TTC29: variants seen among roughly 807,000 people sequenced by gnomAD.
The protein encoded by TTC29 is tetratricopeptide repeat domain 29.
In TTC29, 49 loss-of-function variants were observed where a neutral mutation model predicts 58.1. That is an observed-to-expected ratio of 0.84 (90% CI 0.67 to 1.07). TTC29 has a LOEUF of 1.07. Ranked by LOEUF, TTC29 falls within the 50% of genes least tolerant of loss-of-function variation. The pLI is 0.00. For missense variants in TTC29, 582 were observed against 555.6 expected (o/e 1.05, Z -0.48); for synonymous variants, 209 against 196.8 (o/e 1.06, Z -0.52).
chr4:146,840,344 T>A (rs988236746), intron 8 of TTC29, among the ~76,000 whole-genome samples: 2 of 152,072 alleles, frequency 1.3e-5, no homozygotes, highest in African/African-American at 4.8e-5. Context: ...CACCTTGTTA[T>A]CACTTTCTTC....
At chr4:146,793,156 A>C (rs1749590129) in intron 11 of TTC29, among the ~76,000 whole-genome samples, 2 of 152,212 alleles carry the variant, frequency 1.3e-5, no homozygotes, top group Non-Finnish European at 2.9e-5. Flanking sequence ...AGTTGATAAA[A>C]CAGTGGTAGA....
chr4:146,853,416 T>A (rs1223788199), intron 8 of TTC29, among the ~76,000 whole-genome samples: 2 of 152,192 alleles, frequency 1.3e-5, no homozygotes, highest in Non-Finnish European at 2.9e-5. Flanking sequence ...ATACTTTCAT[T>A]GTTATAAAAT....
intron 6 of TTC29, among the ~76,000 whole-genome samples, chr4:146,882,199 T>C (rs1452949119): frequency 6.6e-6 from 1 of 152,166 alleles, no homozygotes; most frequent in Non-Finnish European, 1.5e-5. Flanking sequence ...CTGCTTATGA[T>C]TTTAGATAGC....
At chr4:146,742,889 T>C (rs1745268005) in intron 11 of TTC29, among the ~76,000 whole-genome samples, 1 of 151,896 alleles carries the variant, frequency 6.6e-6, no homozygotes, top group South Asian at 2.1e-4. Context: ...TTTAAAATAA[T>C]ATAATCTGCT....
intron 9 of TTC29, among the ~76,000 whole-genome samples, chr4:146,829,751 A>G (rs552832944): frequency 1.2e-4 from 18 of 152,336 alleles, no homozygotes; most frequent in Middle Eastern, 6.8e-3. Flanking sequence ...TCCATTGTGG[A>G]AAGTTTTCTA....
intron 4 of TTC29, among the ~76,000 whole-genome samples, chr4:146,916,214 A>G (rs1326598419): frequency 6.6e-6 from 1 of 151,790 alleles, no homozygotes; most frequent in East Asian, 1.9e-4. Context: ...ATTTCTTGAC[A>G]TACACCTACT....
chr4:146,752,067 G>A (rs1458049298), intron 11 of TTC29, among the ~76,000 whole-genome samples: 1 of 151,778 alleles, frequency 6.6e-6, no homozygotes, highest in Non-Finnish European at 1.5e-5. Flanking sequence ...TACTGGCCAG[G>A]GCAATCAGGC....
chr4:146,784,817 T>C (rs80063168), intron 11 of TTC29, among the ~76,000 whole-genome samples: 7,142 of 152,268 alleles, frequency 0.047, 250 homozygotes, highest in Non-Finnish European at 0.071. Flanking sequence ...AGTTTCTTTA[T>C]CTGAAAAAAT....
intron 11 of TTC29, among the ~76,000 whole-genome samples, chr4:146,735,101 G>C (rs539229237): frequency 6.6e-6 from 1 of 152,244 alleles, no homozygotes; most frequent in East Asian, 1.9e-4. Flanking sequence ...AATTAAAAGA[G>C]AATGCTGGGT....
At chr4:146,856,639 TA>T (rs544402369) in intron 8 of TTC29, among the ~76,000 whole-genome samples, 193 of 151,132 alleles carry the variant, frequency 1.3e-3, no homozygotes, top group African/African-American at 3.5e-3. Flanking sequence ...ATAATCAAGG[TA>T]AAAAAAGAAA....
chr4:146,820,876 T>C (rs953798429), intron 9 of TTC29, among the ~76,000 whole-genome samples: 1 of 151,748 alleles, frequency 6.6e-6, no homozygotes, highest in Non-Finnish European at 1.5e-5. Flanking sequence ...ACTAAAAATA[T>C]AAAAAATTAG....
intron 9 of TTC29, among the ~76,000 whole-genome samples, chr4:146,825,137 C>T (rs1727694264): frequency 3.9e-5 from 6 of 152,102 alleles, no homozygotes; most frequent in Admixed American, 3.9e-4. Flanking sequence ...TTCTTGTCTT[C>T]TGCTAGCTTT....
intron 8 of TTC29, among the ~76,000 whole-genome samples, chr4:146,847,443 G>A (rs923439637): frequency 1.3e-5 from 2 of 152,162 alleles, no homozygotes; most frequent in East Asian, 3.9e-4. Context: ...ATGAAACAGG[G>A]AGGTCAGATG....
At chr4:146,839,381 T>C (rs550337558) in intron 8 of TTC29, among the ~76,000 whole-genome samples, 6 of 152,208 alleles carry the variant, frequency 3.9e-5, no homozygotes, top group African/African-American at 1.4e-4. Flanking sequence ...TTTGAGGTGA[T>C]GTATATCTCA....
At chr4:146,926,170 A>G (rs781270772) in intron 4 of TTC29, among the ~76,000 whole-genome samples, 4 of 152,186 alleles carry the variant, frequency 2.6e-5, no homozygotes, top group Non-Finnish European at 5.9e-5. Flanking sequence ...ATTTTGTTGC[A>G]TTAGGTGTGC....
chr4:146,806,295 C>T (rs1458232168), intron 10 of TTC29, among the ~76,000 whole-genome samples: 1 of 152,134 alleles, frequency 6.6e-6, no homozygotes, highest in Non-Finnish European at 1.5e-5. Flanking sequence ...ATTGTAAAGA[C>T]CATCAACACT....
chr4:146,744,261 G>A (rs529417640), intron 11 of TTC29, among the ~76,000 whole-genome samples: 8 of 152,066 alleles, frequency 5.3e-5, no homozygotes, highest in Non-Finnish European at 1.0e-4. Flanking sequence ...GCCAGGCACA[G>A]TGGCTCATGA....
chr4:146,891,423 A>G (rs1732355443), intron 6 of TTC29, among the ~76,000 whole-genome samples: 1 of 152,204 alleles, frequency 6.6e-6, no homozygotes, highest in Admixed American at 6.5e-5. Context: ...GCCAATAATT[A>G]GTGATGGTGT....
intron 11 of TTC29, among the ~76,000 whole-genome samples, chr4:146,734,787 G>T (rs886908448): frequency 2.0e-5 from 3 of 152,050 alleles, no homozygotes; most frequent in African/African-American, 7.2e-5. Flanking sequence ...GAAACAATTG[G>T]TGGCAGTGAT....
Sources: gnomAD v4.1 joint callset for allele counts (sites outside exome capture counted in the v4.1 genomes callset) on GRCh38, gnomAD v4.1.1 for gene constraint, MANE v1.5 for transcripts, NCBI Gene and HGNC (gene_info 2026-07-23, HGNC 2026-07-21) for gene names.